The following CPT1A variants were observed in gnomAD, a reference collection of about 807,000 sequenced individuals.
CPT1A encodes the protein carnitine palmitoyltransferase 1A, also known as carnitine O-palmitoyltransferase 1, liver isoform.
A neutral mutation model predicts 100.8 loss-of-function variants in CPT1A; 64 were observed. The observed-to-expected ratio is 0.63, with a 90% confidence interval of 0.52 to 0.78. CPT1A has a LOEUF of 0.78. Ranked by LOEUF, CPT1A falls within the 30% of genes least tolerant of loss-of-function variation. CPT1A has a pLI of 0.00. For synonymous variants in CPT1A, 363 were observed against 396.0 expected (o/e 0.92, Z 0.99); for missense variants, 802 against 1,034.1 (o/e 0.78, Z 3.08).
At chr11:68,777,228 G>A (rs1205186398) in intron 12 of CPT1A, among the ~76,000 whole-genome samples, 2 of 152,098 alleles carry the variant, frequency 1.3e-5, no homozygotes, top group Non-Finnish European at 2.9e-5. Flanking sequence ...CCAGGAGTTC[G>A]AGACCAGCCT....
intron 1 of CPT1A, among the ~76,000 whole-genome samples, chr11:68,825,360 T>G (rs982359488): frequency 5.3e-5 from 8 of 152,138 alleles, no homozygotes; most frequent in African/African-American, 1.9e-4. Flanking sequence ...GGTGCCCACC[T>G]CCCAGGAAGG....
intron 1 of CPT1A, among the ~76,000 whole-genome samples, chr11:68,817,723 G>T (rs1383750301): frequency 6.8e-5 from 10 of 147,858 alleles, no homozygotes; most frequent in African/African-American, 2.3e-4. Flanking sequence ...TCAAGGGCAG[G>T]GTGGCTGGGG....
At chr11:68,758,341 G>A (rs1173625267) in intron 18 of CPT1A, among the ~76,000 whole-genome samples, 5 of 152,182 alleles carry the variant, frequency 3.3e-5, no homozygotes, top group East Asian at 1.9e-4. Context: ...TGTTAACAGC[G>A]ACAGTGGCAT....
chr11:68,773,656 C>T, intron 13 of CPT1A: 1 of 603,154 alleles, frequency 1.7e-6, no homozygotes, highest in African/African-American at 1.9e-5. Flanking sequence ...CATGAGCAGG[C>T]CAGGAGAGGG....
intron 5 of CPT1A, among the ~76,000 whole-genome samples, chr11:68,800,425 G>T (rs1053389832): frequency 8.0e-5 from 12 of 150,482 alleles, no homozygotes; most frequent in African/African-American, 2.9e-4. Context: ...AAGAGTGCTT[G>T]AGCCCAAGCA....
chr11:68,756,976 C>T lies in CPT1A; in HGVS notation c.*668G>A, dbSNP rs527801838. 4.9e-4 allele frequency: 75 copies of T among 154,522 alleles called. No homozygotes were observed. The highest frequency in any genetic ancestry group is 3.4e-3 in the Middle Eastern group (1 of 294). The allele number at this position is 154,522 out of a possible 1,614,324, so 9.6% of individuals were successfully genotyped here. On this transcript the variant is annotated 3_prime_UTR_variant, in exon 19 of 19. Coordinates refer to ENST00000265641, the MANE Select transcript of CPT1A (RefSeq NM_001876.4). ...TAAATCTTTCTCTCCATCTCCCTTACATTTAGGGCCTTTCATTTTTAAGGC... is the reference window on the plus strand; with the variant it reads ...TAAATCTTTCTCTCCATCTCCCTTATATTTAGGGCCTTTCATTTTTAAGGC...
intron 1 of CPT1A, among the ~76,000 whole-genome samples, chr11:68,834,660 G>A (rs564244745): frequency 2.0e-5 from 3 of 152,014 alleles, no homozygotes; most frequent in Non-Finnish European, 2.9e-5. Context: ...AGTATCACTC[G>A]AGCCCAGGAG....
chr11:68,837,595 C>T (rs1857040521), intron 1 of CPT1A, among the ~76,000 whole-genome samples: 1 of 152,164 alleles, frequency 6.6e-6, no homozygotes, highest in Admixed American at 6.6e-5. Flanking sequence ...CCTCTGCTCC[C>T]TGCCTCCCTC....
chr11:68,773,884 G>A (rs567873847), intron 13 of CPT1A: 3 of 258,334 alleles, frequency 1.2e-5, no homozygotes, highest in African/African-American at 2.2e-5. Flanking sequence ...AAATGGCGGC[G>A]TCTAACTGGA....
chr11:68,782,772 A>G (rs925901363), intron 10 of CPT1A, among the ~76,000 whole-genome samples: 2 of 152,124 alleles, frequency 1.3e-5, no homozygotes, highest in Non-Finnish European at 2.9e-5. Context: ...GGCGGCCCGC[A>G]GGGCGAATAA....
intron 11 of CPT1A, among the ~76,000 whole-genome samples, chr11:68,781,084 G>T (rs949702834): frequency 2.5e-4 from 38 of 152,182 alleles, no homozygotes; most frequent in Admixed American, 9.8e-4. Flanking sequence ...ACCCTGCAGG[G>T]GGCGGGGCTG....
upstream of CPT1A, among the ~76,000 whole-genome samples, chr11:68,842,206 C>T (rs1222961774): frequency 6.6e-6 from 1 of 152,196 alleles, no homozygotes; most frequent in African/African-American, 2.4e-5. Flanking sequence ...TATCTATCGG[C>T]ATTGCCCCGT....
chr11:68,768,064 GTC>G (rs1854865591), intron 14 of CPT1A, among the ~76,000 whole-genome samples: 1 of 65,888 alleles, frequency 1.5e-5, no homozygotes, highest in African/African-American at 7.7e-5. Context: ...CTAGTTTCCA[GTC>G]TTTTTTTTTT....
rs150782848 is a variant in CPT1A at position 68,833,667 on chromosome 11, G to A, written c.-14+8108C>T. Among the ~76,000 whole-genome samples, 1,228 of 152,222 alleles carry A rather than the reference G, an allele frequency of 8.1e-3. 16 individuals carry two copies. Among genetic ancestry groups the A allele is most frequent in the African/African-American group, 0.028 (1,164 of 41,534 alleles). On this transcript the variant is annotated intron_variant, in intron 1 of 18. Transcript: ENST00000265641. ...GAGAATTGCTTGAACCTGGTTGGTG[G>A]AGGTTGCAGTGAGCCAAGGTCCCAC...
chr11:68,819,172 G>A (rs548969982), intron 1 of CPT1A, among the ~76,000 whole-genome samples: 12 of 152,066 alleles, frequency 7.9e-5, no homozygotes, highest in East Asian at 1.9e-4. Context: ...TCCACCTCCC[G>A]GGTTCAAGCG....
In CPT1A at chr11:68,781,758, G is replaced by A. The variant is rs1309129562; in HGVS notation, c.1352+13C>T. 3.1e-6 allele frequency: 5 copies of A among 1,613,828 alleles called. No individual in the cohort carries two copies. Among genetic ancestry groups the A allele is most frequent in the Admixed American group, 3.3e-5 (2 of 60,010 alleles). ...TGGGCAAACTCCTGTCTCTCAGAAGGTAAGGACGGTACCTGTCGTAACATC... is the reference window on the plus strand; with the variant it reads ...TGGGCAAACTCCTGTCTCTCAGAAGATAAGGACGGTACCTGTCGTAACATC... On this transcript the variant is annotated intron_variant, in intron 11 of 18. Coordinates refer to ENST00000265641, the MANE Select transcript of CPT1A (RefSeq NM_001876.4).
At chr11:68,792,997 G>A (rs1337481622) in intron 9 of CPT1A, among the ~76,000 whole-genome samples, 3 of 152,136 alleles carry the variant, frequency 2.0e-5, no homozygotes, top group Non-Finnish European at 2.9e-5. Flanking sequence ...GAAGTGAGCC[G>A]TGATCATGTC....
chr11:68,809,881 T>A (rs540315180), intron 3 of CPT1A, among the ~76,000 whole-genome samples: 1 of 152,126 alleles, frequency 6.6e-6, no homozygotes, highest in African/African-American at 2.4e-5. Flanking sequence ...CACTAGAGAG[T>A]AAATTAAAGA....
chr11:68,793,852 C>T (rs2153999668), intron 8 of CPT1A, among the ~76,000 whole-genome samples: 1 of 152,226 alleles, frequency 6.6e-6, no homozygotes, highest in Non-Finnish European at 1.5e-5. Flanking sequence ...TTGACTTCCT[C>T]TTTTCCAGTG....
Sources: allele counts gnomAD v4.1 joint callset (sites outside exome capture counted in the v4.1 genomes callset), GRCh38; gene constraint gnomAD v4.1.1; transcripts MANE v1.5; gene names NCBI Gene and HGNC (gene_info 2026-07-23, HGNC 2026-07-21).